Variants in GAL3ST2 observed in about 807,000 individuals in gnomAD.
The protein encoded by GAL3ST2 is beta-galactose-3-O-sulfotransferase 2.
Under a neutral mutation model 12.9 loss-of-function variants are expected in GAL3ST2, and 16 were observed. The ratio of observed to expected loss-of-function variants is 1.24; its 90% confidence interval spans 0.84 to 1.88. The LOEUF is 1.88. Ranked by LOEUF, GAL3ST2 falls within the 40% of genes most tolerant of loss-of-function variation. The pLI is 0.00. For missense variants in GAL3ST2, 639 were observed against 571.8 expected (o/e 1.12, Z -1.20); for synonymous variants, 302 against 273.9 (o/e 1.10, Z -1.01).
intron 1 of GAL3ST2, among the ~76,000 whole-genome samples, chr2:241,794,868 C>T (rs1397482618): frequency 2.6e-5 from 4 of 152,170 alleles, no homozygotes; most frequent in African/African-American, 4.8e-5. Flanking sequence ...CCTCCACAAT[C>T]GTCAGCTTTC....
At chr2:241,779,513 G>A (rs533663420) in intron 1 of GAL3ST2, among the ~76,000 whole-genome samples, 6 of 151,398 alleles carry the variant, frequency 4.0e-5, no homozygotes, top group East Asian at 3.9e-4. Context: ...GATTACAGGC[G>A]TGAGCCACCG....
intron 1 of GAL3ST2, among the ~76,000 whole-genome samples, chr2:241,789,712 T>G (rs1416292602): frequency 6.6e-6 from 1 of 152,142 alleles, no homozygotes; most frequent in Non-Finnish European, 1.5e-5. Flanking sequence ...TGAAGCCCCG[T>G]CCCGGGGCAT....
chr2:241,785,766 A>G (rs1699620000), intron 1 of GAL3ST2, among the ~76,000 whole-genome samples: 1 of 152,166 alleles, frequency 6.6e-6, no homozygotes, highest in Non-Finnish European at 1.5e-5. Flanking sequence ...CAACTGAGAA[A>G]AAACAAAAAA....
At chr2:241,783,586 G>T (rs1699590752) in intron 1 of GAL3ST2, among the ~76,000 whole-genome samples, 1 of 151,960 alleles carries the variant, frequency 6.6e-6, no homozygotes, top group African/African-American at 2.4e-5. Flanking sequence ...ATCCAAATAT[G>T]AAATATCTAT....
chr2:241,792,448 A>C (rs902538518), intron 1 of GAL3ST2, among the ~76,000 whole-genome samples: 7 of 152,116 alleles, frequency 4.6e-5, no homozygotes, highest in African/African-American at 1.7e-4. Flanking sequence ...ACCTATTTTC[A>C]TACATAAGCC....
Position 241,802,600 on chromosome 2 carries a change from G to A in GAL3ST2, c.375+564G>A, listed in dbSNP as rs1559419172. Among the ~76,000 whole-genome samples the A allele has an allele frequency of 6.6e-6, 1 of 151,180 alleles. No homozygotes were observed. Among genetic ancestry groups the A allele is most frequent in the Non-Finnish European group, 1.5e-5 (1 of 67,690 alleles). ...GGGAGAGGTGATGGGCAGAGAGCGG[G>A]GCAGCGGGGGTGTGCTGTGGGGTGG... On this transcript the variant is annotated intron_variant, in intron 3 of 3. Transcript: ENST00000192314. This position sits in a 1 kb window ranked among gnomAD's most constrained non-coding sequence, Gnocchi z 4.8.
In GAL3ST2 at chr2:241,802,128, G is replaced by A. The variant is rs921256358; in HGVS notation, c.375+92G>A. 2.8e-6 allele frequency: 4 copies of A among 1,444,380 alleles called. No individual in the cohort carries two copies. The South Asian group carries it at 4.1e-5, about 15-fold the overall frequency. 89.5% of individuals were successfully genotyped at this position (1,444,380 alleles called of 1,614,324 possible). A position where few individuals can be genotyped will look rare whatever the true frequency, so the allele number is the denominator to read the frequency against. On this transcript the variant is annotated intron_variant, in intron 3 of 3. Transcript: ENST00000192314. This position sits in a 1 kb window ranked among gnomAD's most constrained non-coding sequence, Gnocchi z 4.8. ...GTAGCCTGGAGGCTGGAGAGAAGGA[G>A]TGTAAGGCTTGGGGGCGGGGCGTGC...
rs1197715808 is a variant in GAL3ST2 at position 241,801,886 on chromosome 2, C to T, written c.225C>T (p.Ala75=). 1.2e-5 allele frequency: 20 copies of T among 1,612,888 alleles called. No homozygotes were observed. The highest frequency in any genetic ancestry group is 3.3e-5 in the Admixed American group (2 of 60,000). ...STVLNILYRF[A]ETHNLSVALP... ...TGCTCAACATCCTCTACCGCTTCGC[C>T]GAGACCCACAACCTGTCCGTGGCGC... The change falls in exon 3 of 4, where the codon GCC becomes GCT. Residue 75 remains alanine (A), a synonymous_variant. Transcript: ENST00000192314. The surrounding 1 kb of genome is among the most constrained non-coding windows in gnomAD (Gnocchi z 4.4).
At chr2:241,799,260 C>T in intron 2 of GAL3ST2, 106 bp downstream of exon 2, 1 of 1,010,236 alleles carries the variant, frequency 9.9e-7, no homozygotes, top group Non-Finnish European at 1.5e-6. Context: ...GGCCTGTCTC[C>T]CTCTGGAAGA....
At chr2:241,789,989 A>G (rs1699675625) in intron 1 of GAL3ST2, among the ~76,000 whole-genome samples, 1 of 151,772 alleles carries the variant, frequency 6.6e-6, no homozygotes, top group East Asian at 1.9e-4. Context: ...ATTCTGATAT[A>G]ACTTAGTATG....
intron 1 of GAL3ST2, among the ~76,000 whole-genome samples, chr2:241,782,357 G>A (rs989055144): frequency 4.6e-5 from 7 of 151,606 alleles, no homozygotes; most frequent in African/African-American, 1.2e-4. Flanking sequence ...ATGGAGTCTC[G>A]CTCTGTTGCC....
intron 1 of GAL3ST2, among the ~76,000 whole-genome samples, chr2:241,785,577 G>A (rs1699618524): frequency 6.7e-6 from 1 of 148,914 alleles, no homozygotes; most frequent in African/African-American, 2.5e-5. Context: ...AAAAAGCTGA[G>A]ACGAACTTGT....
chr2:241,779,643 A>G (rs1699540550), intron 1 of GAL3ST2, among the ~76,000 whole-genome samples: 1 of 152,038 alleles, frequency 6.6e-6, no homozygotes, highest in Non-Finnish European at 1.5e-5. Flanking sequence ...TGGAAAATCG[A>G]TACAGGCCAC....
At chr2:241,799,273 AG>A in intron 2 of GAL3ST2, 119 bp downstream of exon 2, 1 of 905,912 alleles carries the variant, frequency 1.1e-6, no homozygotes, top group Non-Finnish European at 1.8e-6. Flanking sequence ...CTGGAAGAGG[AG>A]GGGTGGATGG....
chr2:241,794,250 G>A (rs566126596), intron 1 of GAL3ST2, among the ~76,000 whole-genome samples: 3 of 152,228 alleles, frequency 2.0e-5, no homozygotes, highest in East Asian at 1.9e-4. Context: ...ACCTGGCCAA[G>A]ACTTTTATTA....
chr2:241,796,676 T>C (rs1699775271), intron 1 of GAL3ST2, among the ~76,000 whole-genome samples: 1 of 152,158 alleles, frequency 6.6e-6, no homozygotes, highest in Non-Finnish European at 1.5e-5. Context: ...GGCTCTGGTC[T>C]TGTCTGAAAG....
intron 1 of GAL3ST2, among the ~76,000 whole-genome samples, chr2:241,782,627 C>A (rs767232028): frequency 6.6e-6 from 1 of 152,078 alleles, no homozygotes; most frequent in African/African-American, 2.4e-5. Context: ...TGCCTGTCCC[C>A]GAGGGGTTGA....
chr2:241,785,297 ATCCC>A (rs1235923503), intron 1 of GAL3ST2, among the ~76,000 whole-genome samples: 1 of 152,196 alleles, frequency 6.6e-6, no homozygotes, highest in Non-Finnish European at 1.5e-5. Flanking sequence ...CACGCCTGTA[ATCCC>A]TGCATTTTGG....
chr2:241,801,696 G>A lies in GAL3ST2; in HGVS notation c.120-85G>A. On this transcript the variant is annotated intron_variant, in intron 2 of 3. Coordinates refer to ENST00000192314, the MANE Select transcript of GAL3ST2 (RefSeq NM_022134.3). This position sits in a 1 kb window ranked among gnomAD's most constrained non-coding sequence, Gnocchi z 4.4. ...GGCTCAGGTTGGGAGGTCTCTCCTT[G>A]CGGTTGCCGGGCTGGGGGTCGCTGT... The A allele has an allele frequency of 6.6e-7, 1 of 1,521,428 alleles. No homozygotes were observed. The highest frequency in any genetic ancestry group is 8.8e-7 in the Non-Finnish European group (1 of 1,136,086). 94.2% of individuals were successfully genotyped at this position (1,521,428 alleles called of 1,614,324 possible).
Sources: gnomAD v4.1 joint callset for allele counts (sites outside exome capture counted in the v4.1 genomes callset) on GRCh38, gnomAD v4.1.1 for gene constraint, Gnocchi (gnomAD v3.1) non-coding constraint, MANE v1.5 for transcripts, NCBI Gene and HGNC (gene_info 2026-07-23, HGNC 2026-07-21) for gene names.